IGF1R: variants seen among roughly 807,000 people sequenced by gnomAD.
IGF1R encodes the protein insulin-like growth factor 1 receptor.
In IGF1R, 44 loss-of-function variants were observed where a neutral mutation model predicts 144.6. The ratio of observed to expected loss-of-function variants is 0.30; its 90% confidence interval spans 0.24 to 0.39. The LOEUF is 0.39. IGF1R is among the 10% of genes least tolerant of loss of function. The pLI, the probability that IGF1R is intolerant of heterozygous loss-of-function variation, is 1.00. For synonymous variants in IGF1R, 795 were observed against 722.8 expected (o/e 1.10, Z -1.60); for missense variants, 1,355 against 1,833.7 (o/e 0.74, Z 4.77).
intron 1 of IGF1R, among the ~76,000 whole-genome samples, chr15:98,665,871 C>G (rs1567064762): frequency 6.6e-6 from 1 of 152,182 alleles, no homozygotes. Flanking sequence ...TTCCTGAGAC[C>G]AGAATTCAAG....
chr15:98,872,858 A>G (rs2684783), intron 2 of IGF1R, among the ~76,000 whole-genome samples: 4 of 101,898 alleles, frequency 3.9e-5, no homozygotes, highest in Admixed American at 2.5e-4. Context: ...AAAAAAACAA[A>G]ACAGACAGAC....
intron 2 of IGF1R, among the ~76,000 whole-genome samples, chr15:98,797,726 G>C (rs142437757): frequency 6.6e-6 from 1 of 152,206 alleles, no homozygotes; most frequent in African/African-American, 2.4e-5. Flanking sequence ...TGAGCATTCT[G>C]TTGTGCTGAC....
intron 2 of IGF1R, among the ~76,000 whole-genome samples, chr15:98,870,584 G>A (rs1567170645): frequency 6.6e-6 from 1 of 152,158 alleles, no homozygotes; most frequent in African/African-American, 2.4e-5. Context: ...TTGGAGCAGG[G>A]GCTAGGAGAG....
intron 1 of IGF1R, among the ~76,000 whole-genome samples, chr15:98,657,465 A>G (rs956230796): frequency 1.4e-4 from 21 of 152,136 alleles, no homozygotes; most frequent in Non-Finnish European, 1.2e-4. Flanking sequence ...CTCTTTACCT[A>G]ATTTCCCTGA....
Position 98,877,175 on chromosome 15 carries a change from A to G in IGF1R, c.641-14150A>G, listed in dbSNP as rs111931502. 8.3e-3 allele frequency among the ~76,000 whole-genome samples: 1,264 copies of G among 152,250 alleles called. 13 individuals are homozygous for G. The highest frequency in any genetic ancestry group is 0.028 in the African/African-American group (1,175 of 41,532). ...ATGACAGGGAGAGGGACCCAGAGGG[A>G]GAGAGAGAGACTGACTTACACATAA... On this transcript the variant is annotated intron_variant, in intron 2 of 20. Transcript: ENST00000650285.
chr15:98,858,644 T>G (rs1206011047), intron 2 of IGF1R, among the ~76,000 whole-genome samples: 1 of 152,192 alleles, frequency 6.6e-6, no homozygotes, highest in Non-Finnish European at 1.5e-5. Flanking sequence ...AGGCACAGAC[T>G]CCACCTTTCA....
In IGF1R at chr15:98,935,134, A is replaced by C; in HGVS notation, c.3186+81A>C. 8.1e-7 allele frequency: 1 copy of C among 1,241,338 alleles called. No homozygotes were observed. Among genetic ancestry groups the C allele is most frequent in the Non-Finnish European group, 1.2e-6 (1 of 851,090 alleles). 76.9% of individuals were successfully genotyped at this position (1,241,338 alleles called of 1,614,324 possible). On this transcript the variant is annotated intron_variant, in intron 16 of 20. Coordinates refer to ENST00000650285, the MANE Select transcript of IGF1R (RefSeq NM_000875.5). The surrounding 1 kb of genome is among the most constrained non-coding windows in gnomAD (Gnocchi z 4.2). ...AGCCTCCCAGTATGTTCTTGGCTGC[A>C]TGTACCCGTGGGTTTGGTGTCTTGC...
At chr15:98,880,861 C>T (rs974168849) in intron 2 of IGF1R, 10 of 152,164 alleles carry the variant, frequency 6.6e-5, no homozygotes, top group African/African-American at 2.2e-4. Flanking sequence ...TTCTGTAGGG[C>T]AAATATAACC....
At chr15:98,796,336 T>C (rs2056241115) in intron 2 of IGF1R, among the ~76,000 whole-genome samples, 1 of 152,200 alleles carries the variant, frequency 6.6e-6, no homozygotes, top group Admixed American at 6.5e-5. Context: ...CAGCTTTTCA[T>C]TCTTGGAAAG....
chr15:98,946,042 C>A (rs374727990), intron 19 of IGF1R, among the ~76,000 whole-genome samples: 160 of 151,914 alleles, frequency 1.1e-3, no homozygotes, highest in African/African-American at 3.8e-3. Flanking sequence ...ACGATGACAG[C>A]GTCGTCGTCG....
chr15:98,912,078 C>T (rs1400494236), intron 7 of IGF1R, among the ~76,000 whole-genome samples: 1 of 152,222 alleles, frequency 6.6e-6, no homozygotes, highest in Non-Finnish European at 1.5e-5. Context: ...CTCCCGACTG[C>T]AGCCCTCTTT....
At chr15:98,886,100 G>GA (rs902412700) in intron 2 of IGF1R, among the ~76,000 whole-genome samples, 29 of 152,152 alleles carry the variant, frequency 1.9e-4, no homozygotes, top group African/African-American at 5.6e-4. Flanking sequence ...TCACAGGCGT[G>GA]AGCCACCACG....
rs749390173 is a variant in IGF1R at position 98,943,064 on chromosome 15, T to A, written c.3587+12T>A. The A allele has an allele frequency of 6.2e-7, 1 of 1,614,024 alleles. No homozygotes were observed. Among genetic ancestry groups the A allele is most frequent in the African/African-American group, 1.3e-5 (1 of 74,944 alleles). The stretch of plus-strand genomic sequence containing the variant: ...TACTCGGACGTCTGGTATGAGAACC[T>A]TTACTGCATTGCCAGCCTGGAGCCC... On this transcript the variant is annotated intron_variant, in intron 19 of 20. Transcript: ENST00000650285.
At chr15:98,675,826 C>CTTTTTTT (rs869068918) in intron 1 of IGF1R, among the ~76,000 whole-genome samples, 36 of 46,160 alleles carry the variant, frequency 7.8e-4, no homozygotes, top group African/African-American at 1.4e-3. Context: ...TTCTTTCTTT[C>CTTTTTTT]TTTTTTTTTT....
chr15:98,956,177 C>G (rs1216654213), intron 20 of IGF1R, among the ~76,000 whole-genome samples: 2 of 152,262 alleles, frequency 1.3e-5, no homozygotes, highest in East Asian at 3.8e-4. Context: ...GCCCCGGCCA[C>G]AGCCGGCAGG....
In IGF1R at chr15:98,935,320, G is replaced by A. The variant is rs372138082; in HGVS notation, c.3191G>A (p.Arg1064Gln). 6 of 1,546,870 alleles carry A rather than the reference G, an allele frequency of 3.9e-6. No individual in the cohort carries two copies. Among genetic ancestry groups the A allele is most frequent in the African/African-American group, 1.4e-5 (1 of 72,844 alleles). The change falls in exon 17 of 21, where the codon CGA becomes CAA. Residue 1064 changes from arginine to glutamine, a missense_variant. This residue lies in a region of IGF1R where 10 missense variants were observed against 40.7 expected (regional missense o/e 0.25). Coordinates refer to ENST00000650285, the MANE Select transcript of IGF1R (RefSeq NM_000875.5). This position sits in a 1 kb window ranked among gnomAD's most constrained non-coding sequence, Gnocchi z 4.2. ...TCTCTTTTTGATTCCTCCCAGGTGC[G>A]ATTGCTGGGTGTGGTGTCCCAAGGC... Reference protein sequence around the residue: ...MKEFNCHHVVRLLGVVSQGQP... With the variant: ...MKEFNCHHVVQLLGVVSQGQP...
chr15:98,704,885 G>C lies in IGF1R; in HGVS notation c.95-2677G>C, dbSNP rs2053824858. Among the ~76,000 whole-genome samples the C allele has an allele frequency of 1.3e-5, 2 of 152,078 alleles. No homozygotes were observed. Among genetic ancestry groups the C allele is most frequent in the Admixed American group, 1.3e-4 (2 of 15,274 alleles). On this transcript the variant is annotated intron_variant, in intron 1 of 20. Transcript: ENST00000650285. This position sits in a 1 kb window ranked among gnomAD's most constrained non-coding sequence, Gnocchi z 4.9. ...AGCGGAAGCCCTGAGGTCTGTTGCT[G>C]GACTAGATATGTGAGGTGTGAGAGG...
At chr15:98,695,742 A>T (rs2141239766) in intron 1 of IGF1R, among the ~76,000 whole-genome samples, 1 of 152,272 alleles carries the variant, frequency 6.6e-6, no homozygotes, top group East Asian at 1.9e-4. Context: ...TCTTATATGG[A>T]ACCACAGTCC....
chr15:98,708,223 C>G, intron 2 of IGF1R, 116 bp downstream of exon 2: 1 of 910,406 alleles, frequency 1.1e-6, no homozygotes, highest in Non-Finnish European at 1.8e-6. Flanking sequence ...AGTCGTGTTG[C>G]ATTTAGGACG....
Sources: allele counts gnomAD v4.1 joint callset (sites outside exome capture counted in the v4.1 genomes callset), GRCh38; gene constraint gnomAD v4.1.1; regional missense constraint gnomAD v4.1.1; non-coding constraint Gnocchi (gnomAD v3.1); transcripts MANE v1.5; gene names NCBI Gene and HGNC (gene_info 2026-07-23, HGNC 2026-07-21).